SBF2: variants seen among roughly 807,000 people sequenced by gnomAD.
SBF2 encodes the protein myotubularin-related protein 13.
In SBF2, 112 loss-of-function variants were observed where a neutral mutation model predicts 225.2. The ratio of observed to expected loss-of-function variants is 0.50; its 90% confidence interval spans 0.43 to 0.58. SBF2 has a LOEUF of 0.58. SBF2 is among the 20% of genes least tolerant of loss of function. The pLI, the probability that SBF2 is intolerant of heterozygous loss-of-function variation, is 0.00. For synonymous variants in SBF2, 763 were observed against 773.3 expected (o/e 0.99, Z 0.22); for missense variants, 1,996 against 2,206.2 (o/e 0.90, Z 1.91).
At chr11:10,252,755 AGCTTGCAGCG>A (rs1468738783) in intron 1 of SBF2, among the ~76,000 whole-genome samples, 4 of 151,222 alleles carry the variant, frequency 2.6e-5, no homozygotes, top group Non-Finnish European at 5.9e-5. Context: ...GCTTGCAGCG[AGCTTGCAGCG>A]AGCTGAGATC....
Position 9,795,923 on chromosome 11 carries a change from T to C in SBF2, c.4478A>G (p.Asn1493Ser), listed in dbSNP as rs370223105. The change falls in exon 33 of 40, where the codon AAT (asparagine) becomes AGT (serine). Residue 1493 changes from asparagine to serine, a missense_variant. Coordinates refer to ENST00000256190, the MANE Select transcript of SBF2 (RefSeq NM_030962.4). ...HNQYPTEFEF[N>S]LYYLKFLAFH... ...AGCCAAGAACTTTAAGTAATAGAGA[T>C]TGAATTCAAACTCAGTTGGATACTG... 26 of 1,613,594 alleles carry C rather than the reference T, an allele frequency of 1.6e-5. No individual in the cohort carries two copies. Among genetic ancestry groups the C allele is most frequent in the Middle Eastern group, 1.7e-4 (1 of 6,060 alleles).
chr11:10,298,787 CA>C (rs1179634830), upstream of SBF2, among the ~76,000 whole-genome samples: 1 of 152,202 alleles, frequency 6.6e-6, no homozygotes, highest in African/African-American at 2.4e-5. Context: ...TCCTACTTCC[CA>C]AATATGTCCG....
intron 25 of SBF2, among the ~76,000 whole-genome samples, chr11:9,840,449 G>A (rs943279645): frequency 6.6e-6 from 1 of 152,100 alleles, no homozygotes; most frequent in Non-Finnish European, 1.5e-5. Context: ...ACTAAAAAAT[G>A]TCAGGAAAAT....
At chr11:9,916,740 A>G (rs1590433298) in intron 16 of SBF2, among the ~76,000 whole-genome samples, 1 of 151,672 alleles carries the variant, frequency 6.6e-6, no homozygotes, top group Admixed American at 6.6e-5. Flanking sequence ...GAGATTACAC[A>G]CATCTGGCTA....
chr11:10,151,012 G>T (rs1006799941), intron 2 of SBF2, among the ~76,000 whole-genome samples: 5 of 152,120 alleles, frequency 3.3e-5, no homozygotes, highest in Admixed American at 6.5e-5. Context: ...AGCATTTCTT[G>T]TAAGACTCCT....
chr11:9,983,837 G>T (rs1947069854), intron 13 of SBF2, among the ~76,000 whole-genome samples: 1 of 152,194 alleles, frequency 6.6e-6, no homozygotes, highest in African/African-American at 2.4e-5. Context: ...AACAATCACT[G>T]CAGTTCGGCT....
At chr11:10,235,109 T>C (rs566794856) in intron 1 of SBF2, among the ~76,000 whole-genome samples, 1 of 152,342 alleles carries the variant, frequency 6.6e-6, no homozygotes, top group South Asian at 2.1e-4. Context: ...TGAAATGAGA[T>C]AATATCAAGT....
At chr11:9,965,867 T>C (rs1005947183) in intron 14 of SBF2, among the ~76,000 whole-genome samples, 7 of 152,232 alleles carry the variant, frequency 4.6e-5, no homozygotes, top group Admixed American at 1.3e-4. Flanking sequence ...TGCTCATTCA[T>C]AATTGTGGGC....
chr11:10,245,083 G>A (rs184940508), intron 1 of SBF2, among the ~76,000 whole-genome samples: 6 of 139,442 alleles, frequency 4.3e-5, no homozygotes, highest in East Asian at 2.1e-4. Flanking sequence ...ACAGTGAGCC[G>A]AGATCACACC....
chr11:9,978,931 C>T (rs1201545849), intron 13 of SBF2, among the ~76,000 whole-genome samples: 2 of 152,038 alleles, frequency 1.3e-5, no homozygotes, highest in South Asian at 2.1e-4. Flanking sequence ...CCCAGGAGGT[C>T]GAGGCTGCAG....
At chr11:9,816,310 AG>A (rs1854454631) in intron 29 of SBF2, among the ~76,000 whole-genome samples, 1 of 152,188 alleles carries the variant, frequency 6.6e-6, no homozygotes. Context: ...GACACATCTT[AG>A]GACATGTGTC....
At chr11:10,244,673 G>A (rs1959588872) in intron 1 of SBF2, among the ~76,000 whole-genome samples, 4 of 152,172 alleles carry the variant, frequency 2.6e-5, no homozygotes, top group Middle Eastern at 3.4e-3. Flanking sequence ...ATTTTGACAG[G>A]AACTACACCA....
At chr11:9,809,043 T>A in intron 30 of SBF2, 41 bp from the exon 31 acceptor site, 1 of 1,488,030 alleles carries the variant, frequency 6.7e-7, no homozygotes, top group Non-Finnish European at 9.4e-7. Flanking sequence ...CCAAGCGCTT[T>A]CTGAGTGCAG....
intron 3 of SBF2, 39 bp from the exon 4 acceptor site, chr11:10,031,209 T>C (rs963826626): frequency 5.0e-6 from 8 of 1,607,022 alleles, no homozygotes; most frequent in Middle Eastern, 3.3e-4. Context: ...ACAGAAGGGA[T>C]TTCCTAGGTT....
intron 3 of SBF2, among the ~76,000 whole-genome samples, chr11:10,031,949 C>A (rs1949277283): frequency 6.6e-6 from 1 of 152,020 alleles, no homozygotes; most frequent in African/African-American, 2.4e-5. Context: ...CCTATGTTGC[C>A]CAGCTGGTTT....
At chr11:10,128,067 G>C (rs1953844385) in intron 2 of SBF2, among the ~76,000 whole-genome samples, 1 of 152,196 alleles carries the variant, frequency 6.6e-6, no homozygotes, top group Non-Finnish European at 1.5e-5. Context: ...TATTAGAAGT[G>C]TCTGATACTA....
At chr11:10,284,431 G>C (rs1288382319) in intron 1 of SBF2, among the ~76,000 whole-genome samples, 2 of 151,880 alleles carry the variant, frequency 1.3e-5, no homozygotes. Flanking sequence ...CTTTTTTATA[G>C]CTTTTTCCCC....
At chr11:10,127,042 A>C (rs1307353600) in intron 2 of SBF2, among the ~76,000 whole-genome samples, 2 of 152,070 alleles carry the variant, frequency 1.3e-5, no homozygotes, top group Non-Finnish European at 2.9e-5. Flanking sequence ...GGCAAAGGGA[A>C]ATTGAGAGTT....
chr11:9,827,983 T>A (rs1321965938), intron 28 of SBF2: 1 of 393,226 alleles, frequency 2.5e-6, no homozygotes, highest in Non-Finnish European at 4.5e-6. Context: ...ATGCTAGTAA[T>A]ACATTTGACC....
Sources: gnomAD v4.1 joint callset for allele counts (sites outside exome capture counted in the v4.1 genomes callset) on GRCh38, gnomAD v4.1.1 for gene constraint, MANE v1.5 for transcripts, NCBI Gene and HGNC (gene_info 2026-07-23, HGNC 2026-07-21) for gene names.